Variants in IL7R observed in about 807,000 individuals in gnomAD.
IL7R encodes interleukin 7 receptor.
A neutral mutation model predicts 47.0 loss-of-function variants in IL7R; 38 were observed. The ratio of observed to expected loss-of-function variants is 0.81; its 90% CI spans 0.62 to 1.06. The LOEUF is 1.06. Ranked by LOEUF, IL7R falls within the 50% of genes least tolerant of loss-of-function variation. The probability of loss-of-function intolerance (pLI) is 0.00; values close to 1 mark genes in which losing one functional copy is unlikely to be tolerated. For missense variants in IL7R, 633 were observed against 534.8 expected (o/e 1.18, Z -1.81); for synonymous variants, 221 against 199.8 (o/e 1.11, Z -0.89).
rs1494561 is a variant in IL7R at position 35,857,133 on chromosome 5, C to G, written c.82+74C>G. Reference sequence around the variant, plus strand: ...GGTTTCAGGTTATTCAGTTCCCTAACAGACCTGAGTCAGGCACTGGGTTTG... The same window carrying G: ...GGTTTCAGGTTATTCAGTTCCCTAAGAGACCTGAGTCAGGCACTGGGTTTG... On this transcript the variant is annotated intron_variant, in intron 1 of 7. Transcript: ENST00000303115. The G allele has an allele frequency of 0.65, 608,276 of 932,048 alleles. 203,093 individuals carry two copies. Among genetic ancestry groups the G allele is most frequent in the African/African-American group, 0.87 (53,890 of 61,750 alleles). The allele number at this position is 932,048 out of a possible 1,614,324, so 57.7% of individuals were successfully genotyped here.
At chr5:35,867,485 T>G in intron 3 of IL7R, 22 bp downstream of exon 3, 1 of 1,604,498 alleles carries the variant, frequency 6.2e-7, no homozygotes, top group South Asian at 1.1e-5. Context: ...TATATAAAAG[T>G]ATGGTTGTCA....
intron 7 of IL7R, 158 bp from the exon 8 acceptor site, chr5:35,875,825 T>C: frequency 3.4e-6 from 3 of 879,252 alleles, no homozygotes; most frequent in Non-Finnish European, 5.5e-6. Flanking sequence ...TCTTGAAGTG[T>C]CTCAGAAGCT....
intron 1 of IL7R, among the ~76,000 whole-genome samples, chr5:35,857,855 G>A (rs1265601138): frequency 6.6e-6 from 1 of 152,146 alleles, no homozygotes; most frequent in Non-Finnish European, 1.5e-5. Flanking sequence ...ACTTGCTCCT[G>A]CAAATTAAGC....
Position 35,857,163 on chromosome 5 carries a change from C to T in IL7R, c.82+104C>T, listed in dbSNP as rs564549806. The T allele has an allele frequency of 8.1e-4, 622 of 769,262 alleles. 1 individual carries two copies. The highest frequency in any genetic ancestry group is 1.2e-3 in the Non-Finnish European group (524 of 427,862). 47.7% of individuals were successfully genotyped at this position (769,262 alleles called of 1,614,324 possible). ...CTGAGTCAGGCACTGGGTTTGAATGCAGTTTGAGAATTTCCCACATATTCA... is the reference window on the plus strand; with the variant it reads ...CTGAGTCAGGCACTGGGTTTGAATGTAGTTTGAGAATTTCCCACATATTCA... On this transcript the variant is annotated intron_variant, in intron 1 of 7. Transcript: ENST00000303115.
At chr5:35,871,884 C>T (rs530268546) in intron 4 of IL7R, among the ~76,000 whole-genome samples, 1 of 152,196 alleles carries the variant, frequency 6.6e-6, no homozygotes, top group East Asian at 1.9e-4. Flanking sequence ...TCTTTCTGCA[C>T]CTCAGAGATG....
chr5:35,857,818 G>A (rs1174928124), intron 1 of IL7R, among the ~76,000 whole-genome samples: 2 of 152,130 alleles, frequency 1.3e-5, no homozygotes, highest in African/African-American at 4.8e-5. Context: ...AACAGCAGCA[G>A]GAGGCATGTG....
Position 35,867,392 on chromosome 5 carries a change from G to A in IL7R, c.308G>A (p.Gly103Glu), listed in dbSNP as rs776441054. Residue 103 changes from glycine to glutamate, a missense_variant, in exon 3 of 8, where the codon GGA becomes GAA. Physicochemically the swap from Gly to Glu is moderately conservative, Grantham distance 98. Coordinates refer to ENST00000303115, the MANE Select transcript of IL7R (RefSeq NM_002185.5). Reference protein sequence around the residue: ...FIETKKFLLIGKSNICVKVGE... With the variant: ...FIETKKFLLIEKSNICVKVGE... ...GAGACAAAGAAATTCTTACTGATTG[G>A]AAAGAGCAATATATGTGTGAAGGTT... is the stretch of plus-strand genomic sequence containing the variant. 1.1e-5 allele frequency: 17 copies of A among 1,613,444 alleles called. No homozygotes were observed. Among genetic ancestry groups the A allele is most frequent in the Non-Finnish European group, 1.4e-5 (16 of 1,179,500 alleles).
intron 3 of IL7R, among the ~76,000 whole-genome samples, chr5:35,868,355 AG>A (rs1390135464): frequency 6.6e-6 from 1 of 152,268 alleles, no homozygotes; most frequent in East Asian, 1.9e-4. Flanking sequence ...GATAAGAAAG[AG>A]TAAGAAACCT....
At position 35,875,890 on chromosome 5, in the gene IL7R, T is replaced by G; in HGVS notation, c.877-93T>G. ...GCTGGCAATTCTGTGACATTCCCTG[T>G]CAGAAAACTCTATAGACCTACTCCT... On this transcript the variant is annotated intron_variant, in intron 7 of 7. Coordinates refer to ENST00000303115, the MANE Select transcript of IL7R (RefSeq NM_002185.5). The G allele has an allele frequency of 3.7e-6, 5 of 1,363,458 alleles. No individual in the cohort carries two copies. The South Asian group carries it at 4.7e-5, about 13-fold the overall frequency. The allele number at this position is 1,363,458 out of a possible 1,614,324, so 84.5% of individuals were successfully genotyped here.
intron 2 of IL7R, among the ~76,000 whole-genome samples, chr5:35,866,129 G>T (rs547648952): frequency 6.6e-6 from 1 of 152,236 alleles, no homozygotes; most frequent in Admixed American, 6.5e-5. Context: ...ATGAATAGAT[G>T]CATTCATGTT....
At chr5:35,865,085 T>C (rs1348918375) in intron 2 of IL7R, among the ~76,000 whole-genome samples, 3 of 152,160 alleles carry the variant, frequency 2.0e-5, no homozygotes, top group Admixed American at 1.3e-4. Flanking sequence ...ACATTAGGTA[T>C]ATCTCCTAAT....
rs559323352 is a variant in IL7R, at chr5:35,866,545, G to T, written c.222-761G>T. 3.9e-5 allele frequency among the ~76,000 whole-genome samples: 6 copies of T among 152,096 alleles called. No homozygotes were observed. The East Asian group carries it at 1.2e-3, about 29-fold the overall frequency. Reference sequence around the variant, plus strand: ...CCATCAAGCATAGAGTTTTCTTTGGGGGGAAGTTTATTGATAATAAGTTTA... The same window carrying T: ...CCATCAAGCATAGAGTTTTCTTTGGTGGGAAGTTTATTGATAATAAGTTTA... On this transcript the variant is annotated intron_variant, in intron 2 of 7. Coordinates refer to ENST00000303115, the MANE Select transcript of IL7R (RefSeq NM_002185.5).
chr5:35,864,966 T>A (rs891533843), intron 2 of IL7R, among the ~76,000 whole-genome samples: 19 of 152,338 alleles, frequency 1.2e-4, no homozygotes, highest in South Asian at 1.2e-3. Flanking sequence ...TTAGTTTTTT[T>A]AATTATTATT....
In IL7R at chr5:35,878,993, C is replaced by T. The variant is rs6881270; in HGVS notation, c.*2507C>T. The T allele has an allele frequency of 0.25, 57,290 of 232,480 alleles. 7,325 individuals are homozygous for T. The highest frequency in any genetic ancestry group is 0.26 in the Non-Finnish European group (31,000 of 117,702). 14.4% of individuals were successfully genotyped at this position (232,480 alleles called of 1,614,324 possible). A position where few individuals can be genotyped will look rare whatever the true frequency, so the allele number is the denominator to read the frequency against. ...TATTATAATCATATAATCATAACTGCTGTTAATTCTTGATTATATACCTAG... is the reference window on the plus strand; with the variant it reads ...TATTATAATCATATAATCATAACTGTTGTTAATTCTTGATTATATACCTAG... On this transcript the variant is annotated 3_prime_UTR_variant, in exon 8 of 8. Transcript: ENST00000303115.
At chr5:35,865,033 C>T (rs986783762) in intron 2 of IL7R, among the ~76,000 whole-genome samples, 1 of 152,038 alleles carries the variant, frequency 6.6e-6, no homozygotes, top group African/African-American at 2.4e-5. Flanking sequence ...CATATGTATA[C>T]ATGTGCCATG....
chr5:35,859,525 A>G (rs1475790315), intron 1 of IL7R, among the ~76,000 whole-genome samples: 2 of 152,130 alleles, frequency 1.3e-5, no homozygotes, highest in Non-Finnish European at 2.9e-5. Context: ...CAGAACTGTG[A>G]ACTGGATGGA....
chr5:35,871,153 T>C lies in IL7R; in HGVS notation c.477T>C (p.Tyr159=), dbSNP rs748111926. Residue 159 remains tyrosine (Y), a synonymous_variant, in exon 4 of 8, where the codon TAT becomes TAC. Coordinates refer to ENST00000303115, the MANE Select transcript of IL7R (RefSeq NM_002185.5). Reference sequence around the variant, plus strand: ...ATACATCACACTTGCAAAAGAAGTATGTAAAAGTTTTAATGCACGATGTAG... The same window carrying C: ...ATACATCACACTTGCAAAAGAAGTACGTAAAAGTTTTAATGCACGATGTAG... ...TFNTSHLQKK[Y]VKVLMHDVAY... 7 of 1,613,274 alleles carry C rather than the reference T, an allele frequency of 4.3e-6. No homozygotes were observed. Among genetic ancestry groups the C allele is most frequent in the Middle Eastern group, 1.7e-4 (1 of 6,056 alleles).
Position 35,874,651 on chromosome 5 carries a change from C to A in IL7R, c.800+109C>A, listed in dbSNP as rs571108806. ...CCACAAAGGGGATTAAGGCATTTCA[C>A]GAATTTAGTGCCCAGTATCCCTATC... On this transcript the variant is annotated intron_variant, in intron 6 of 7. Transcript: ENST00000303115. The A allele has an allele frequency of 4.8e-5, 40 of 839,964 alleles. No individual in the cohort carries two copies. In the South Asian group the frequency reaches 5.0e-4, roughly 10 times the overall value. The allele number at this position is 839,964 out of a possible 1,614,324, so 52.0% of individuals were successfully genotyped here.
At chr5:35,863,279 C>A (rs956576129) in intron 2 of IL7R, among the ~76,000 whole-genome samples, 3 of 152,142 alleles carry the variant, frequency 2.0e-5, no homozygotes, top group Non-Finnish European at 2.9e-5. Context: ...GTTTTCATGA[C>A]TGTAGGAGCT....
Sources: allele counts gnomAD v4.1 joint callset (sites outside exome capture counted in the v4.1 genomes callset), GRCh38; gene constraint gnomAD v4.1.1; transcripts MANE v1.5; gene names NCBI Gene and HGNC (gene_info 2026-07-23, HGNC 2026-07-21).